The following ZNF385D variants were observed in gnomAD, a reference collection of about 807,000 sequenced individuals.
The protein encoded by ZNF385D is zinc finger protein 385D, also known as zinc finger protein 659.
In ZNF385D, 15 loss-of-function variants were observed where a neutral mutation model predicts 35.8. That is an observed-to-expected ratio of 0.42 (90% CI 0.28 to 0.64). The LOEUF (loss-of-function observed/expected upper bound fraction) is 0.64, where lower values mean the gene tolerates loss of function less well. Among genes scored for constraint, ZNF385D ranks in the 30% least tolerant of loss-of-function variants. The probability of loss-of-function intolerance (pLI) is 0.23; values close to 1 mark genes in which losing one functional copy is unlikely to be tolerated. For synonymous variants in ZNF385D, 212 were observed against 186.8 expected, an observed-to-expected ratio of 1.13 and a Z score of -1.10; for missense variants, 474 against 494.6, an observed-to-expected ratio of 0.96 and a Z score of 0.39.
chr3:21,798,685 C>T (rs1045256305), intron 3 of ZNF385D, among the ~76,000 whole-genome samples: 6 of 152,100 alleles, frequency 3.9e-5, no homozygotes, highest in African/African-American at 1.4e-4. Context: ...TGTGACAGCT[C>T]ATCATAGTCA....
chr3:21,694,091 C>T (rs1412113236), intron 1 of ZNF385D, among the ~76,000 whole-genome samples: 27 of 98,786 alleles, frequency 2.7e-4, no homozygotes, highest in African/African-American at 8.8e-4. Flanking sequence ...TCGCCCAGGC[C>T]GGAGTACAGT....
chr3:22,332,107 T>C (rs142061730), intron 2 of ZNF385D, among the ~76,000 whole-genome samples: 7 of 152,296 alleles, frequency 4.6e-5, no homozygotes, highest in Non-Finnish European at 7.4e-5. Context: ...CAAGCTAATA[T>C]TCCTATTCAC....
intron 3 of ZNF385D, among the ~76,000 whole-genome samples, chr3:21,931,909 C>G (rs563689381): frequency 1.3e-5 from 2 of 152,032 alleles, no homozygotes; most frequent in East Asian, 3.9e-4. Context: ...CACCTGTAAT[C>G]CCAGCACTTT....
In ZNF385D at chr3:22,046,199, T is replaced by C. The variant is rs572313665; in HGVS notation, c.325+122618A>G. ...GGAAAAAGTCAAAGGAAAATATTCATACGGGGTTTCAATTCAAAGCACCAA... is the reference window on the plus strand; with the variant it reads ...GGAAAAAGTCAAAGGAAAATATTCACACGGGGTTTCAATTCAAAGCACCAA... On this transcript the variant is annotated intron_variant, in intron 3 of 5. Coordinates refer to the ZNF385D transcript ENST00000494108. Among the ~76,000 whole-genome samples the C allele has an allele frequency of 2.0e-5, 3 of 152,236 alleles. No individual in the cohort carries two copies. In the South Asian group the frequency reaches 6.2e-4, roughly 32 times the overall value.
chr3:21,966,840 C>T (rs56695433), intron 3 of ZNF385D, among the ~76,000 whole-genome samples: 24,854 of 152,194 alleles, frequency 0.16, 2,222 homozygotes, highest in Middle Eastern at 0.22. Flanking sequence ...CCTTGGCCTC[C>T]GAGGCCGAAG....
At chr3:21,839,176 T>C (rs1695509633) in intron 3 of ZNF385D, among the ~76,000 whole-genome samples, 1 of 152,140 alleles carries the variant, frequency 6.6e-6, no homozygotes, top group South Asian at 2.1e-4. Context: ...TTAAGCCCTA[T>C]GGCCTTTTCT....
At chr3:21,537,931 A>G (rs1351078) in intron 3 of ZNF385D, among the ~76,000 whole-genome samples, 23 of 152,230 alleles carry the variant, frequency 1.5e-4, no homozygotes, top group Non-Finnish European at 2.2e-4. Context: ...GAATTTTACA[A>G]TAATACAGAT....
chr3:22,013,683 T>C (rs1369441665), intron 3 of ZNF385D, among the ~76,000 whole-genome samples: 1 of 152,114 alleles, frequency 6.6e-6, no homozygotes, highest in Non-Finnish European at 1.5e-5. Flanking sequence ...AAAATTTACG[T>C]ACAGCCTGTT....
intron 3 of ZNF385D, among the ~76,000 whole-genome samples, chr3:22,028,930 A>G (rs1330212163): frequency 2.0e-5 from 3 of 152,226 alleles, no homozygotes; most frequent in Middle Eastern, 3.4e-3. Context: ...ATCAGCATAC[A>G]ATATATGGTA....
rs115238819 is a variant in ZNF385D, at chr3:22,118,283, A to G, written c.325+50534T>C. On this transcript the variant is annotated intron_variant, in intron 3 of 5. Coordinates refer to the ZNF385D transcript ENST00000494108. ...TGACTGCCATAGAGAAAATAACTTTAGTTTGGTAATCCCTCCAAACCATAA... is the reference window on the plus strand; with the variant it reads ...TGACTGCCATAGAGAAAATAACTTTGGTTTGGTAATCCCTCCAAACCATAA... Among the ~76,000 whole-genome samples the G allele has an allele frequency of 4.9e-3, 746 of 152,238 alleles. 10 individuals are homozygous for G. Among genetic ancestry groups the G allele is most frequent in the African/African-American group, 0.017 (710 of 41,560 alleles).
chr3:22,065,813 T>C (rs746270189), intron 3 of ZNF385D, among the ~76,000 whole-genome samples: 7 of 152,178 alleles, frequency 4.6e-5, no homozygotes, highest in Non-Finnish European at 1.0e-4. Flanking sequence ...TCATAAAATA[T>C]GTTTTGTCTT....
At chr3:21,843,656 T>C (rs17009771) in intron 3 of ZNF385D, among the ~76,000 whole-genome samples, 10,546 of 152,022 alleles carry the variant, frequency 0.069, 536 homozygotes, top group East Asian at 0.2. Flanking sequence ...CAAGCAGTTA[T>C]CAATAGCAGG....
chr3:22,313,426 A>G (rs930470284), intron 2 of ZNF385D, among the ~76,000 whole-genome samples: 1 of 152,198 alleles, frequency 6.6e-6, no homozygotes, highest in East Asian at 1.9e-4. Flanking sequence ...AGATGTAGAT[A>G]TAACATTTTT....
intron 1 of ZNF385D, among the ~76,000 whole-genome samples, chr3:21,679,921 A>G (rs2066847914): frequency 6.6e-6 from 1 of 152,096 alleles, no homozygotes; most frequent in African/African-American, 2.4e-5. Context: ...TTTAAACTGG[A>G]AAGTGATCAA....
intron 3 of ZNF385D, among the ~76,000 whole-genome samples, chr3:21,947,818 A>G (rs1701869675): frequency 6.6e-6 from 1 of 151,688 alleles, no homozygotes; most frequent in Admixed American, 6.6e-5. Flanking sequence ...GCTTAGAAAG[A>G]CTCTTTCCAA....
At chr3:21,474,977 T>G (rs1280050046) in intron 4 of ZNF385D, among the ~76,000 whole-genome samples, 1 of 152,090 alleles carries the variant, frequency 6.6e-6, no homozygotes, top group African/African-American at 2.4e-5. Flanking sequence ...ATATAATTTT[T>G]TTTGTTTTAA....
intron 3 of ZNF385D, among the ~76,000 whole-genome samples, chr3:21,873,164 G>C (rs1157312354): frequency 1.3e-5 from 2 of 152,108 alleles, no homozygotes; most frequent in East Asian, 3.9e-4. Context: ...ATGATGGAAA[G>C]ATAAAGCTAT....
chr3:22,088,385 G>A (rs1701153618), intron 3 of ZNF385D, among the ~76,000 whole-genome samples: 1 of 152,186 alleles, frequency 6.6e-6, no homozygotes. Context: ...GTAACACTCA[G>A]TCTGGTGAGC....
intron 3 of ZNF385D, among the ~76,000 whole-genome samples, chr3:21,528,795 G>A (rs2061850640): frequency 1.3e-5 from 2 of 152,238 alleles, no homozygotes; most frequent in Middle Eastern, 6.8e-3. Context: ...TGGAGAAACA[G>A]AGTACTCAGC....
Sources: gnomAD v4.1 joint callset for allele counts (sites outside exome capture counted in the v4.1 genomes callset) on GRCh38, gnomAD v4.1.1 for gene constraint, MANE v1.5 for transcripts, NCBI Gene and HGNC (gene_info 2026-07-23, HGNC 2026-07-21) for gene names.